Variants in CELSR1 observed in about 807,000 individuals in gnomAD.
CELSR1 encodes cadherin EGF LAG seven-pass G-type receptor 1, also known as adhesion G protein-coupled receptor C1.
A neutral mutation model predicts 249.1 loss-of-function variants in CELSR1; 110 were observed. The observed-to-expected ratio is 0.44, with a 90% CI of 0.38 to 0.52. The LOEUF is 0.52. CELSR1 is among the 20% of genes least tolerant of loss of function. CELSR1 has a pLI of 0.00. For synonymous variants in CELSR1, 2,113 were observed against 1,900.0 expected (o/e 1.11, Z -2.92); for missense variants, 4,109 against 4,296.4 (o/e 0.96, Z 1.22).
In CELSR1 at chr22:46,445,237, T is replaced by G. The variant is rs2079804958; in HGVS notation, c.4184-5826A>C. Among the ~76,000 whole-genome samples, 1 of 152,106 alleles carries G rather than the reference T, an allele frequency of 6.6e-6. No homozygotes were observed. The highest frequency in any genetic ancestry group is 2.1e-4 in the South Asian group (1 of 4,832). On this transcript the variant is annotated intron_variant, in intron 2 of 34. Transcript: ENST00000674500. The surrounding 1 kb of genome is among the most constrained non-coding windows in gnomAD (Gnocchi z 4.4). The stretch of plus-strand genomic sequence containing the variant: ...GGCTGGGTGTAGTGGCTCAGGCCTG[T>G]CATCCCAGCACTTTGGGAGGCCGAG...
At position 46,423,632 on chromosome 22, in the gene CELSR1, T is replaced by C. The variant is rs1477151566; in HGVS notation, c.4611+9761A>G. 6.8e-6 allele frequency among the ~76,000 whole-genome samples: 1 copy of C among 146,450 alleles called. No individual in the cohort carries two copies. The highest frequency in any genetic ancestry group is 1.5e-5 in the Non-Finnish European group (1 of 67,280). ...GAAAAAAAAAAAAAAAAAGACTCCA[T>C]GCTTTAGGCAGTTTATGACCTTGAA... On this transcript the variant is annotated intron_variant, in intron 5 of 34. Coordinates refer to ENST00000674500, the MANE Select transcript of CELSR1 (RefSeq NM_001378328.1). This position sits in a 1 kb window ranked among gnomAD's most constrained non-coding sequence, Gnocchi z 5.6.
intron 23 of CELSR1, among the ~76,000 whole-genome samples, chr22:46,378,171 G>A (rs370503667): frequency 9.8e-5 from 15 of 152,344 alleles, no homozygotes; most frequent in African/African-American, 3.1e-4. Flanking sequence ...GTGTGGCCCC[G>A]AGGGAGAGCG....
At chr22:46,389,638 G>A (rs1219065199) in intron 17 of CELSR1, 139 bp from the exon 18 acceptor site, 7 of 944,956 alleles carry the variant, frequency 7.4e-6, no homozygotes, top group African/African-American at 3.3e-5. Context: ...AAGCCTGGCT[G>A]GGCATGGTGG....
chr22:46,535,826 C>T lies in CELSR1; in HGVS notation c.1345G>A (p.Val449Met). ...LSATATVYIE[V>M]EDENDNYPQF... ...GGGTAGTTGTCGTTCTCGTCCTCCA[C>T]CTCGATGTACACGGTGGCCGTGGCA... is the stretch of plus-strand genomic sequence containing the variant. The change falls in exon 1 of 35, where the codon GTG becomes ATG. Residue 449 changes from valine to methionine, a missense_variant. Physicochemically the swap from Val to Met is conservative, Grantham distance 21 (BLOSUM62 1). Around this residue, in one of 7 missense-constraint regions of CELSR1, gnomAD observed 135 missense variants for 190.0 expected, o/e 0.71. Transcript: ENST00000674500. 2 of 1,612,152 alleles carry T rather than the reference C, an allele frequency of 1.2e-6. No homozygotes were observed. The highest frequency in any genetic ancestry group is 8.5e-7 in the Non-Finnish European group (1 of 1,179,994).
intron 1 of CELSR1, among the ~76,000 whole-genome samples, chr22:46,476,454 G>T (rs372826917): frequency 6.6e-6 from 1 of 151,916 alleles, no homozygotes; most frequent in South Asian, 2.1e-4. Flanking sequence ...AAATTAGCCA[G>T]GCGTGGTGGT....
Position 46,378,481 on chromosome 22 carries a change from C to G in CELSR1, c.7383+110G>C, listed in dbSNP as rs553224452. The G allele has an allele frequency of 3.2e-6, 4 of 1,248,314 alleles. No individual in the cohort carries two copies. The East Asian group carries it at 1.0e-4, about 32-fold the overall frequency. 77.3% of individuals were successfully genotyped at this position (1,248,314 alleles called of 1,614,324 possible). On this transcript the variant is annotated intron_variant, in intron 23 of 34. Transcript: ENST00000674500. ...AGGAGGGGACAGATTTGGGGGCAGG[C>G]TCAGCAGGTTTGAGGACGGGCAGGT...
Position 46,464,020 on chromosome 22 carries a change from C to T in CELSR1, c.3870G>A (p.Leu1290=). The stretch of plus-strand genomic sequence containing the variant: ...CGCGCTGCGTGGAGATGGTGGTCAG[C>T]AGCGTCCGATTCAGGTAGATCTGCT... ...LQEQIYLNRT[L]LTTISTQRVL... The change falls in exon 2 of 35, where the codon CTG becomes CTA. Residue 1290 remains leucine, a synonymous_variant. Transcript: ENST00000674500. This position sits in a 1 kb window ranked among gnomAD's most constrained non-coding sequence, Gnocchi z 8.5. 6.2e-7 allele frequency: 1 copy of T among 1,613,856 alleles called. No homozygotes were observed. The highest frequency in any genetic ancestry group is 8.5e-7 in the Non-Finnish European group (1 of 1,180,042).
At chr22:46,388,191 A>C (rs994043292) in intron 18 of CELSR1, among the ~76,000 whole-genome samples, 1 of 152,094 alleles carries the variant, frequency 6.6e-6, no homozygotes, top group Non-Finnish European at 1.5e-5. Context: ...TCTACCAAAA[A>C]TACAAAAATT....
At chr22:46,469,762 C>A (rs1046691582) in intron 1 of CELSR1, among the ~76,000 whole-genome samples, 1 of 151,002 alleles carries the variant, frequency 6.6e-6, no homozygotes, top group Admixed American at 6.6e-5. Context: ...GATCCACCCA[C>A]CTTGGCCTCC....
rs2079565909 is a variant in CELSR1, at chr22:46,429,050, A to T, written c.4611+4343T>A. Among the ~76,000 whole-genome samples, 1 of 152,048 alleles carries T rather than the reference A, an allele frequency of 6.6e-6. No homozygotes were observed. Among genetic ancestry groups the T allele is most frequent in the South Asian group, 2.1e-4 (1 of 4,818 alleles). ...GCTCCTGGAACAAGGTGGGGTCTAA[A>T]CGTGATCCCCGCAGGCAGCCTCAGG... On this transcript the variant is annotated intron_variant, in intron 5 of 34. Transcript: ENST00000674500. This position sits in a 1 kb window ranked among gnomAD's most constrained non-coding sequence, Gnocchi z 4.1.
At chr22:46,368,074 G>C (rs763264371) in intron 27 of CELSR1, among the ~76,000 whole-genome samples, 1 of 152,192 alleles carries the variant, frequency 6.6e-6, no homozygotes, top group Non-Finnish European at 1.5e-5. Context: ...AGTGGGGGTG[G>C]TGGTGGAATA....
At position 46,484,430 on chromosome 22, in the gene CELSR1, G is replaced by A. The variant is rs2080295451; in HGVS notation, c.3545-20085C>T. ...GAGCCACCCCTCCTAGGCCTGAAAT[G>A]TGTCCCCACTCAGGGGCCCTGAAAT... On this transcript the variant is annotated intron_variant, in intron 1 of 34. Transcript: ENST00000674500. This position sits in a 1 kb window ranked among gnomAD's most constrained non-coding sequence, Gnocchi z 4.5. Among the ~76,000 whole-genome samples the A allele has an allele frequency of 6.6e-6, 1 of 152,084 alleles. No individual in the cohort carries two copies. Among genetic ancestry groups the A allele is most frequent in the South Asian group, 2.1e-4 (1 of 4,822 alleles).
intron 1 of CELSR1, chr22:46,481,562 G>C: frequency 9.2e-7 from 1 of 1,081,912 alleles, no homozygotes; most frequent in South Asian, 1.4e-5. Context: ...GCTTAAGCCA[G>C]AGGCACATGG....
At position 46,390,492 on chromosome 22, in the gene CELSR1, G is replaced by A. The variant is rs1286497064; in HGVS notation, c.6251-6C>T. On this transcript the variant is annotated splice_polypyrimidine_tract_variant and splice_region_variant and intron_variant, in intron 16 of 34. Coordinates refer to ENST00000674500, the MANE Select transcript of CELSR1 (RefSeq NM_001378328.1). The surrounding 1 kb of genome is among the most constrained non-coding windows in gnomAD (Gnocchi z 6.3). ...GCAGTGTCGGACCGCATTTCCTGGG[G>A]AAGGAGAGCAGGTGTGCAAAGCCTG... 1.2e-5 allele frequency: 20 copies of A among 1,611,832 alleles called. No individual in the cohort carries two copies. The highest frequency in any genetic ancestry group is 1.6e-5 in the Non-Finnish European group (19 of 1,178,660).
chr22:46,411,789 A>G lies in CELSR1; in HGVS notation c.4612-30T>C, dbSNP rs1413308423. The G allele has an allele frequency of 6.2e-7, 1 of 1,612,760 alleles. No homozygotes were observed. The highest frequency in any genetic ancestry group is 8.5e-7 in the Non-Finnish European group (1 of 1,179,938). ...AAGAAGAGAAAGCACAGAAGGTGTC[A>G]GCGTTTTCTCCACCAGTGCCCTCAG... On this transcript the variant is annotated intron_variant, in intron 5 of 34. Coordinates refer to ENST00000674500, the MANE Select transcript of CELSR1 (RefSeq NM_001378328.1). The surrounding 1 kb of genome is among the most constrained non-coding windows in gnomAD (Gnocchi z 4.2).
chr22:46,411,703 C>T lies in CELSR1; in HGVS notation c.4668G>A (p.Val1556=), dbSNP rs555630417. The T allele has an allele frequency of 2.5e-5, 40 of 1,614,114 alleles. No homozygotes were observed. The highest frequency in any genetic ancestry group is 3.1e-5 in the Non-Finnish European group (37 of 1,180,050). Residue 1556 remains valine (V), a synonymous_variant, in exon 6 of 35, where the codon GTG becomes GTA. Coordinates refer to ENST00000674500, the MANE Select transcript of CELSR1 (RefSeq NM_001378328.1). This position sits in a 1 kb window ranked among gnomAD's most constrained non-coding sequence, Gnocchi z 4.2. ...PHGPSGEKMA[V]VTVDDCDTTM... The stretch of plus-strand genomic sequence containing the variant: ...TTGTGTCACAATCATCCACTGTCAC[C>T]ACGGCCATCTTTTCCCCGGACGGCC...
In CELSR1 at chr22:46,447,591, G is replaced by C. The variant is rs555909737; in HGVS notation, c.4184-8180C>G. Among the ~76,000 whole-genome samples, 2 of 152,110 alleles carry C rather than the reference G, an allele frequency of 1.3e-5. No homozygotes were observed. The highest frequency in any genetic ancestry group is 2.9e-5 in the Non-Finnish European group (2 of 68,014). On this transcript the variant is annotated intron_variant, in intron 2 of 34. Transcript: ENST00000674500. This position sits in a 1 kb window ranked among gnomAD's most constrained non-coding sequence, Gnocchi z 4.7. Reference sequence around the variant, plus strand: ...CCTGCCAAAAGCTCCCCCTCTCCCCGTAGGAGGGACGCAGGGCTCAGCTTC... The same window carrying C: ...CCTGCCAAAAGCTCCCCCTCTCCCCCTAGGAGGGACGCAGGGCTCAGCTTC...
Position 46,512,096 on chromosome 22 carries a change from G to T in CELSR1, c.3544+21531C>A, listed in dbSNP as rs2080579610. On this transcript the variant is annotated intron_variant, in intron 1 of 34. Transcript: ENST00000674500. The surrounding 1 kb of genome is among the most constrained non-coding windows in gnomAD (Gnocchi z 5.2). ...CCCACCCCCAGATCCCAGCCCAGTG[G>T]CCCCCACGCTGCCAGGAGCTCTCAG... 6.6e-6 allele frequency among the ~76,000 whole-genome samples: 1 copy of T among 152,116 alleles called. No homozygotes were observed.
At chr22:46,508,043 T>A (rs2080533044) in intron 1 of CELSR1, among the ~76,000 whole-genome samples, 1 of 152,170 alleles carries the variant, frequency 6.6e-6, no homozygotes, top group South Asian at 2.1e-4. Context: ...AGCAACGCTG[T>A]CATCATCACT....
Sources: allele counts gnomAD v4.1 joint callset (sites outside exome capture counted in the v4.1 genomes callset), GRCh38; gene constraint gnomAD v4.1.1; regional missense constraint gnomAD v4.1.1; non-coding constraint Gnocchi (gnomAD v3.1); transcripts MANE v1.5; gene names NCBI Gene and HGNC (gene_info 2026-07-23, HGNC 2026-07-21).